FHIP1A: variants seen among roughly 807,000 people sequenced by gnomAD.
FHIP1A encodes FHF complex subunit HOOK-interacting protein 1A.
A neutral mutation model predicts 88.6 loss-of-function variants in FHIP1A; 61 were observed. That is an observed-to-expected ratio of 0.69 (90% CI 0.56 to 0.85). FHIP1A has a LOEUF of 0.85. FHIP1A is among the 40% of genes least tolerant of loss of function. FHIP1A has a pLI of 0.00. For synonymous variants in FHIP1A, 478 were observed against 496.0 expected (o/e 0.96, Z 0.48); for missense variants, 1,154 against 1,273.5 (o/e 0.91, Z 1.43).
rs1167176922 is a variant in FHIP1A at position 151,670,492 on chromosome 4, T to C, written c.*7738T>C. The C allele has an allele frequency of 6.6e-6, 1 of 152,224 alleles. No homozygotes were observed. The highest frequency in any genetic ancestry group is 1.5e-5 in the Non-Finnish European group (1 of 68,042). 9.4% of individuals were successfully genotyped at this position (152,224 alleles called of 1,614,324 possible). On this transcript the variant is annotated 3_prime_UTR_variant, in exon 14 of 14. Coordinates refer to ENST00000435205, the MANE Select transcript of FHIP1A (RefSeq NM_001109977.3). Reference sequence around the variant, plus strand: ...GTATATATTTTATTGATTAAATTTATTGGAAAACTTATTTTTTTAATTCAT... The same window carrying C: ...GTATATATTTTATTGATTAAATTTACTGGAAAACTTATTTTTTTAATTCAT...
rs1173621061 is a variant in FHIP1A at position 151,649,670 on chromosome 4, C to T, written c.1629C>T (p.Gly543=). 1 of 1,551,598 alleles carries T rather than the reference C, an allele frequency of 6.4e-7. No individual in the cohort carries two copies. Among genetic ancestry groups the T allele is most frequent in the Non-Finnish European group, 8.7e-7 (1 of 1,146,944 alleles). Residue 543 remains glycine (G), a synonymous_variant, in exon 11 of 14, where the codon GGC becomes GGT. Coordinates refer to ENST00000435205, the MANE Select transcript of FHIP1A (RefSeq NM_001109977.3). Reference sequence around the variant, plus strand: ...TTCTCCAGAGTCTGACGGAGGAGGGCAGTGTGAGCTCGGCCTGCCCTGTGT... The same window carrying T: ...TTCTCCAGAGTCTGACGGAGGAGGGTAGTGTGAGCTCGGCCTGCCCTGTGT... The part of the protein sequence containing the change: ...EMFLQSLTEE[G]SVSSACPVFG...
At chr4:151,427,208 C>T (rs909343304) in intron 1 of FHIP1A, among the ~76,000 whole-genome samples, 1 of 152,020 alleles carries the variant, frequency 6.6e-6, no homozygotes, top group African/African-American at 2.4e-5. Context: ...TCACCAAAAG[C>T]AACATGTTTA....
intron 4 of FHIP1A, among the ~76,000 whole-genome samples, chr4:151,570,867 A>G (rs914894070): frequency 6.6e-6 from 1 of 152,238 alleles, no homozygotes; most frequent in African/African-American, 2.4e-5. Flanking sequence ...GTCACCGGCA[A>G]GATCTTTGGA....
At position 151,531,952 on chromosome 4, in the gene FHIP1A, G is replaced by A. The variant is rs375243492; in HGVS notation, c.-122-34186G>A. Among the ~76,000 whole-genome samples, 25 of 152,294 alleles carry A rather than the reference G, an allele frequency of 1.6e-4. No homozygotes were observed. In the East Asian group the frequency reaches 3.3e-3, roughly 20 times the overall value. ...AAAAATCAACACAGAAATATATAAG[G>A]AATGTAAAAGAAAGTTACAAAATAA... On this transcript the variant is annotated intron_variant, in intron 3 of 13. Coordinates refer to ENST00000435205, the MANE Select transcript of FHIP1A (RefSeq NM_001109977.3).
intron 3 of FHIP1A, among the ~76,000 whole-genome samples, chr4:151,547,641 C>T (rs1476618653): frequency 1.3e-5 from 2 of 152,172 alleles, no homozygotes; most frequent in Admixed American, 6.5e-5. Flanking sequence ...GGGCCAGGCA[C>T]AGTGGCTCAT....
In FHIP1A at chr4:151,449,390, AT is replaced by A. The variant is rs1488076738; in HGVS notation, c.-355-5303del. 9.9e-5 allele frequency among the ~76,000 whole-genome samples: 15 copies of A among 151,818 alleles called. No homozygotes were observed. In the South Asian group the frequency reaches 2.1e-3, roughly 21 times the overall value. On this transcript the variant is annotated intron_variant, in intron 1 of 13. Transcript: ENST00000435205. ...TTGGAGGTGGCATCTTAAAATTAAA[AT>A]TTTTTTTAATTGACACATTATAATT...
At chr4:151,518,573 C>T (rs949308099) in intron 3 of FHIP1A, among the ~76,000 whole-genome samples, 1 of 151,482 alleles carries the variant, frequency 6.6e-6, no homozygotes, top group Non-Finnish European at 1.5e-5. Flanking sequence ...AAAGACCTAA[C>T]CCATCATCCA....
chr4:151,441,442 T>C (rs1208812561), intron 1 of FHIP1A, among the ~76,000 whole-genome samples: 1 of 152,082 alleles, frequency 6.6e-6, no homozygotes, highest in Non-Finnish European at 1.5e-5. Flanking sequence ...ACATTGGCAA[T>C]TGAATTGATT....
intron 4 of FHIP1A, among the ~76,000 whole-genome samples, chr4:151,568,049 A>AGGTG (rs1419224093): frequency 6.6e-6 from 1 of 152,182 alleles, no homozygotes; most frequent in East Asian, 1.9e-4. Context: ...GATTATATGT[A>AGGTG]GGTGGGTCAT....
intron 1 of FHIP1A, among the ~76,000 whole-genome samples, chr4:151,443,656 C>G (rs1393691618): frequency 1.4e-5 from 2 of 138,938 alleles, no homozygotes; most frequent in African/African-American, 2.7e-5. Context: ...TATCCCTCTT[C>G]CCTGAGTGAG....
chr4:151,495,693 G>A (rs572420295), intron 3 of FHIP1A, among the ~76,000 whole-genome samples: 1 of 141,894 alleles, frequency 7.0e-6, no homozygotes, highest in African/African-American at 2.6e-5. Context: ...GTGTGATCTC[G>A]GCTCACTGCA....
intron 3 of FHIP1A, among the ~76,000 whole-genome samples, chr4:151,491,477 T>A (rs929837554): frequency 1.3e-5 from 2 of 152,092 alleles, no homozygotes; most frequent in Non-Finnish European, 2.9e-5. Flanking sequence ...CTATAAGAAA[T>A]GCTAAGAGGA....
chr4:151,490,033 C>T (rs981391993), intron 3 of FHIP1A, among the ~76,000 whole-genome samples: 1 of 152,190 alleles, frequency 6.6e-6, no homozygotes. Context: ...AAAGCACCAC[C>T]TCCTGGCTGG....
intron 3 of FHIP1A, among the ~76,000 whole-genome samples, chr4:151,491,651 A>G (rs1450086199): frequency 6.6e-6 from 1 of 152,192 alleles, no homozygotes; most frequent in Non-Finnish European, 1.5e-5. Flanking sequence ...TCTCAATACT[A>G]ACGTTGAGCG....
chr4:151,489,024 A>G (rs923607984), intron 3 of FHIP1A, among the ~76,000 whole-genome samples: 8 of 152,182 alleles, frequency 5.3e-5, no homozygotes, highest in African/African-American at 7.2e-5. Flanking sequence ...AAGAACCACC[A>G]CAGGAACATA....
At chr4:151,523,166 G>A (rs962353140) in intron 3 of FHIP1A, among the ~76,000 whole-genome samples, 4 of 152,172 alleles carry the variant, frequency 2.6e-5, no homozygotes, top group African/African-American at 9.7e-5. Flanking sequence ...TGTGGTTGAG[G>A]CGGTTGCAGG....
intron 3 of FHIP1A, among the ~76,000 whole-genome samples, chr4:151,527,008 C>T (rs569831361): frequency 2.0e-3 from 294 of 150,742 alleles, no homozygotes; most frequent in Middle Eastern, 0.01. Flanking sequence ...GATGGGATGG[C>T]GGCCGGGCAG....
chr4:151,513,721 G>C (rs2126681332), intron 3 of FHIP1A, among the ~76,000 whole-genome samples: 1 of 152,078 alleles, frequency 6.6e-6, no homozygotes, highest in East Asian at 1.9e-4. Flanking sequence ...ATGACATAAT[G>C]GTAAAGGGAT....
intron 1 of FHIP1A, among the ~76,000 whole-genome samples, chr4:151,430,244 G>C (rs1045712353): frequency 1.3e-5 from 2 of 152,136 alleles, no homozygotes; most frequent in Non-Finnish European, 2.9e-5. Context: ...CATCCTCCAT[G>C]GTCGAAATAA....
Sources: gnomAD v4.1 joint callset for allele counts (sites outside exome capture counted in the v4.1 genomes callset) on GRCh38, gnomAD v4.1.1 for gene constraint, MANE v1.5 for transcripts, NCBI Gene and HGNC (gene_info 2026-07-23, HGNC 2026-07-21) for gene names.